PRR16: variants seen among roughly 807,000 people sequenced by gnomAD.
PRR16 encodes the protein protein Largen.
Under a neutral mutation model 18.2 loss-of-function variants are expected in PRR16, and 6 were observed. The ratio of observed to expected loss-of-function variants is 0.33; its 90% CI spans 0.18 to 0.65. The LOEUF (loss-of-function observed/expected upper bound fraction) is 0.65, where lower values mean the gene tolerates loss of function less well. PRR16 is among the 30% of genes least tolerant of loss of function. The pLI is 0.74. For synonymous variants in PRR16, 151 were observed against 147.8 expected, an observed-to-expected ratio of 1.02 and a Z score of -0.16; for missense variants, 412 against 376.6, an observed-to-expected ratio of 1.09 and a Z score of -0.78.
intron 1 of PRR16, among the ~76,000 whole-genome samples, chr5:120,591,346 G>A (rs944955600): frequency 9.9e-5 from 15 of 151,762 alleles, no homozygotes; most frequent in East Asian, 1.9e-4. Flanking sequence ...ACAAGTCGTC[G>A]ATTTTCACAT....
intron 1 of PRR16, among the ~76,000 whole-genome samples, chr5:120,584,111 T>C (rs1753362119): frequency 6.6e-6 from 1 of 152,042 alleles, no homozygotes. Context: ...GGGAAGCCAC[T>C]TGAAAAGAAT....
chr5:120,566,282 G>T (rs529741541), intron 1 of PRR16, among the ~76,000 whole-genome samples: 12 of 152,200 alleles, frequency 7.9e-5, no homozygotes, highest in African/African-American at 2.9e-4. Context: ...GGACTTCCTT[G>T]CCTCCAGAAC....
intron 1 of PRR16, among the ~76,000 whole-genome samples, chr5:120,547,977 T>C (rs767663867): frequency 1.3e-5 from 2 of 152,042 alleles, no homozygotes; most frequent in Non-Finnish European, 2.9e-5. Flanking sequence ...TACCAAACTT[T>C]ATGATGAATA....
intron 1 of PRR16, among the ~76,000 whole-genome samples, chr5:120,666,249 GCTCT>G (rs1756372612): frequency 6.6e-6 from 1 of 152,118 alleles, no homozygotes; most frequent in Admixed American, 6.5e-5. Flanking sequence ...TCATGATTTG[GCTCT>G]CTGTTTGCCT....
intron 1 of PRR16, among the ~76,000 whole-genome samples, chr5:120,499,315 T>A (rs11949016): frequency 1.3e-5 from 2 of 151,700 alleles, no homozygotes; most frequent in African/African-American, 4.9e-5. Context: ...TTCTCCACAT[T>A]GGTCAGGCTG....
chr5:120,639,025 A>G (rs1755337587), intron 1 of PRR16, among the ~76,000 whole-genome samples: 1 of 152,114 alleles, frequency 6.6e-6, no homozygotes, highest in Non-Finnish European at 1.5e-5. Flanking sequence ...ATTGGCAAAC[A>G]ATATATTTTA....
chr5:120,621,987 G>A (rs1009510365), intron 1 of PRR16, among the ~76,000 whole-genome samples: 3 of 152,130 alleles, frequency 2.0e-5, no homozygotes, highest in Non-Finnish European at 4.4e-5. Flanking sequence ...ACCTTTTTCA[G>A]AGGTGTCTTT....
intron 1 of PRR16, among the ~76,000 whole-genome samples, chr5:120,504,801 A>G (rs1301481573): frequency 2.0e-5 from 3 of 152,148 alleles, no homozygotes; most frequent in African/African-American, 7.2e-5. Context: ...CTTCTTAGGT[A>G]TATTGAGTGC....
At chr5:120,754,221 TATA>T in the PRR16 span, among the ~76,000 whole-genome samples, 4 of 60,548 alleles carry the variant, frequency 6.6e-5, no homozygotes, top group Admixed American at 8.7e-4. Context: ...TATATTATAA[TATA>T]TAATATAATA....
chr5:120,506,638 A>G (rs1750654722), intron 1 of PRR16, among the ~76,000 whole-genome samples: 1 of 152,070 alleles, frequency 6.6e-6, no homozygotes, highest in African/African-American at 2.4e-5. Flanking sequence ...GGATACAGCA[A>G]CAGGTCCACA....
At chr5:120,469,159 A>G (rs1201948726) in intron 1 of PRR16, among the ~76,000 whole-genome samples, 2 of 152,234 alleles carry the variant, frequency 1.3e-5, no homozygotes, top group African/African-American at 2.4e-5. Context: ...ATTAACAATT[A>G]TCTGAAAAAT....
intron 1 of PRR16, among the ~76,000 whole-genome samples, chr5:120,604,692 A>T (rs772599212): frequency 2.0e-5 from 3 of 152,076 alleles, no homozygotes; most frequent in Non-Finnish European, 4.4e-5. Flanking sequence ...TTCTGTGTTT[A>T]ACTCTCCCTT....
intron 1 of PRR16, among the ~76,000 whole-genome samples, chr5:120,489,701 T>G (rs1749953534): frequency 6.6e-6 from 1 of 152,190 alleles, no homozygotes; most frequent in Admixed American, 6.5e-5. Context: ...CATTATGATG[T>G]TAGCTGGTTA....
intron 1 of PRR16, among the ~76,000 whole-genome samples, chr5:120,633,992 T>C (rs753222293): frequency 4.6e-5 from 7 of 152,144 alleles, no homozygotes; most frequent in Non-Finnish European, 1.0e-4. Context: ...ATATACATAC[T>C]ATTCATTAGC....
intron 1 of PRR16, among the ~76,000 whole-genome samples, chr5:120,505,123 C>T (rs1750598061): frequency 6.6e-6 from 1 of 152,098 alleles, no homozygotes. Flanking sequence ...CCCTCTTTTC[C>T]TTCTGCTTTC....
chr5:120,565,996 A>G (rs1343119438), intron 1 of PRR16, among the ~76,000 whole-genome samples: 3 of 152,222 alleles, frequency 2.0e-5, no homozygotes, highest in Non-Finnish European at 4.4e-5. Flanking sequence ...GGCATGGTTG[A>G]TGCTATGGTT....
At chr5:120,601,630 A>C (rs528013562) in intron 1 of PRR16, among the ~76,000 whole-genome samples, 1 of 151,964 alleles carries the variant, frequency 6.6e-6, no homozygotes, top group East Asian at 1.9e-4. Context: ...TTCTCATGAA[A>C]TCTTTGCCAA....
At chr5:120,486,703 A>G (rs1165619688) in intron 1 of PRR16, among the ~76,000 whole-genome samples, 1 of 152,060 alleles carries the variant, frequency 6.6e-6, no homozygotes, top group Non-Finnish European at 1.5e-5. Flanking sequence ...TTGGTGTTTT[A>G]GACATGAAGT....
chr5:120,491,758 G>A (rs1432332291), intron 1 of PRR16, among the ~76,000 whole-genome samples: 1 of 152,104 alleles, frequency 6.6e-6, no homozygotes, highest in Non-Finnish European at 1.5e-5. Flanking sequence ...TAGCCAGGGT[G>A]GTCTTGAACT....
Sources: allele counts gnomAD v4.1 joint callset (sites outside exome capture counted in the v4.1 genomes callset), GRCh38; gene constraint gnomAD v4.1.1; transcripts MANE v1.5; gene names NCBI Gene and HGNC (gene_info 2026-07-23, HGNC 2026-07-21).